Variants in SALL3 observed in about 807,000 individuals in gnomAD.
The protein encoded by SALL3 is spalt like transcription factor 3.
In SALL3, 25 loss-of-function variants were observed where a neutral mutation model predicts 66.2. That is an observed-to-expected ratio of 0.38 (90% CI 0.28 to 0.53). The LOEUF (loss-of-function observed/expected upper bound fraction) is 0.53, where lower values mean the gene tolerates loss of function less well. Among genes scored for constraint, SALL3 ranks in the 20% least tolerant of loss-of-function variants. The probability of loss-of-function intolerance (pLI) is 0.85; values close to 1 mark genes in which losing one functional copy is unlikely to be tolerated. For synonymous variants in SALL3, 1,152 were observed against 899.1 expected, an observed-to-expected ratio of 1.28 and a Z score of -5.03; for missense variants, 2,194 against 1,916.5, an observed-to-expected ratio of 1.14 and a Z score of -2.70.
At position 78,993,880 on chromosome 18, in the gene SALL3, G is replaced by C; in HGVS notation, c.1889G>C (p.Ser630Thr). Residue 630 changes from serine to threonine, a missense_variant, in exon 2 of 3, where the codon AGC becomes ACC. Transcript: ENST00000537592. Reference protein sequence around the residue: ...APTSVDGAPTSLGSPGLPAVS... With the variant: ...APTSVDGAPTTLGSPGLPAVS... ...ACATCGGTGGACGGCGCACCCACGA[G>C]CCTCGGCAGCCCCGGGCTGCCCGCC... 1 of 1,573,262 alleles carries C rather than the reference G, an allele frequency of 6.4e-7. No homozygotes were observed. Among genetic ancestry groups the C allele is most frequent in the East Asian group, 2.4e-5 (1 of 42,104 alleles).
chr18:78,997,009 A>G lies in SALL3; in HGVS notation c.3590A>G (p.Gln1197Arg), dbSNP rs374063198. 3.3e-5 allele frequency: 53 copies of G among 1,614,060 alleles called. No homozygotes were observed. The highest frequency in any genetic ancestry group is 4.2e-5 in the Non-Finnish European group (50 of 1,180,052). The change falls in exon 3 of 3, where the codon CAG (glutamine) becomes CGG (arginine). Residue 1197 changes from glutamine to arginine, a missense_variant. Gln to Arg is a conservative substitution (Grantham distance 43). Transcript: ENST00000537592. ...GCCCTGAAGTTCTCTGAAATGTTCCAGAAGGACCTGGCAGCTCGGGCAATG... is the reference window on the plus strand; with the variant it reads ...GCCCTGAAGTTCTCTGAAATGTTCCGGAAGGACCTGGCAGCTCGGGCAATG... Reference protein sequence around the residue: ...GDALKFSEMFQKDLAARAMNV... With the variant: ...GDALKFSEMFRKDLAARAMNV...
At chr18:78,992,026 G>A (rs767527929) in intron 1 of SALL3, 48 bp from the exon 2 acceptor site, 3 of 1,364,910 alleles carry the variant, frequency 2.2e-6, no homozygotes, top group Admixed American at 3.6e-5. Context: ...ATTTTGAGAC[G>A]GAGGGCGGGC....
chr18:78,984,382 A>G (rs1914169102), intron 1 of SALL3, among the ~76,000 whole-genome samples: 1 of 150,724 alleles, frequency 6.6e-6, no homozygotes, highest in African/African-American at 2.4e-5. Context: ...ACCATCTTTC[A>G]GTGCTGCAAG....
At position 78,993,864 on chromosome 18, in the gene SALL3, G is replaced by A. The variant is rs1198295389; in HGVS notation, c.1873G>A (p.Asp625Asn). 3 of 1,564,268 alleles carry A rather than the reference G, an allele frequency of 1.9e-6. No homozygotes were observed. Among genetic ancestry groups the A allele is most frequent in the Non-Finnish European group, 1.7e-6 (2 of 1,156,696 alleles). Reference protein sequence around the residue: ...AQASAAPTSVDGAPTSLGSPG... With the variant: ...AQASAAPTSVNGAPTSLGSPG... ...GGCTAGCGCTGCACCCACATCGGTG[G>A]ACGGCGCACCCACGAGCCTCGGCAG... The change falls in exon 2 of 3, where the codon GAC (aspartate) becomes AAC (asparagine). Residue 625 changes from aspartate to asparagine, a missense_variant. Coordinates refer to ENST00000537592, the MANE Select transcript of SALL3 (RefSeq NM_171999.4).
chr18:78,993,555 G>C lies in SALL3; in HGVS notation c.1564G>C (p.Val522Leu), dbSNP rs769269229. 6.3e-7 allele frequency: 1 copy of C among 1,590,802 alleles called. No individual in the cohort carries two copies. The highest frequency in any genetic ancestry group is 1.7e-5 in the Admixed American group (1 of 57,790). Residue 522 changes from valine to leucine, a missense_variant, in exon 2 of 3, where the codon GTG becomes CTG. Physicochemically the swap from Val to Leu is conservative, Grantham distance 32 (BLOSUM62 1). Transcript: ENST00000537592. ...WLDSKPVLPT[V>L]PTSVGLQLPP... ...GGACAGCAAGCCCGTGCTGCCCACC[G>C]TGCCCACGTCCGTGGGGCTGCAACT...
At position 78,993,098 on chromosome 18, in the gene SALL3, C is replaced by T. The variant is rs773316503; in HGVS notation, c.1107C>T (p.Ser369=). The change falls in exon 2 of 3, where the codon AGC becomes AGT. Residue 369 remains serine, a synonymous_variant. Transcript: ENST00000537592. ...CGCTTCTACCTCAGACTTCCGCCAG[C>T]GGCGTCATCTTCCCCAACCCGCTGG... ...PSPLLPQTSA[S]GVIFPNPLVS... is the part of the protein sequence containing the mutation. 1.1e-5 allele frequency: 17 copies of T among 1,601,108 alleles called. No individual in the cohort carries two copies. Among genetic ancestry groups the T allele is most frequent in the East Asian group, 4.5e-5 (2 of 44,490 alleles).
At chr18:78,983,644 G>A (rs1316688692) in intron 1 of SALL3, among the ~76,000 whole-genome samples, 1 of 152,104 alleles carries the variant, frequency 6.6e-6, no homozygotes, top group Non-Finnish European at 1.5e-5. Context: ...AAAGAAGCTC[G>A]GCCACCAGTG....
chr18:78,988,884 T>TA (rs1375130020), intron 1 of SALL3, among the ~76,000 whole-genome samples: 12 of 152,232 alleles, frequency 7.9e-5, no homozygotes, highest in Non-Finnish European at 1.0e-4. Context: ...TAATAACCTT[T>TA]AAGGTCTGTT....
In SALL3 at chr18:78,992,406, G is replaced by A; in HGVS notation, c.415G>A (p.Ala139Thr). ...KEAEPMDAEP[A>T]GDTRAPRPPP... ...GGCCGAGCCCATGGACGCGGAACCC[G>A]CGGGGGACACGCGCGCGCCCCGGCC... Residue 139 changes from alanine (A) to threonine (T), a missense_variant, in exon 2 of 3, where the codon GCG becomes ACG. Physicochemically the swap from Ala to Thr is moderately conservative, Grantham distance 58 (BLOSUM62 0). Coordinates refer to ENST00000537592, the MANE Select transcript of SALL3 (RefSeq NM_171999.4). The A allele has an allele frequency of 4.5e-6, 6 of 1,329,402 alleles. No individual in the cohort carries two copies. Among genetic ancestry groups the A allele is most frequent in the Non-Finnish European group, 5.7e-6 (6 of 1,047,620 alleles). 82.4% of individuals were successfully genotyped at this position (1,329,402 alleles called of 1,614,324 possible).
At position 78,994,803 on chromosome 18, in the gene SALL3, C is replaced by A. The variant is rs757713364; in HGVS notation, c.2812C>A (p.Pro938Thr). The stretch of plus-strand genomic sequence containing the variant: ...GGAAATCCCGCTCAAGACCGAGAGG[C>A]CGGACAGCCCAGCCGCCGCCCCGGG... ...PQEIPLKTER[P>T]DSPAAAPGSG... Residue 938 changes from proline to threonine, a missense_variant, in exon 2 of 3, where the codon CCG (proline) becomes ACG (threonine). Transcript: ENST00000537592. 1 of 1,596,346 alleles carries A rather than the reference C, an allele frequency of 6.3e-7. No individual in the cohort carries two copies. The highest frequency in any genetic ancestry group is 8.5e-7 in the Non-Finnish European group (1 of 1,173,722).
At position 78,980,225 on chromosome 18, in the gene SALL3, C is replaced by A; in HGVS notation, c.-50C>A. ...GCCGCCCCGCGCCGTCCCCGCCGGC[C>A]GCCCCGCTGATGCCGCTGCCCCGCG... is the stretch of plus-strand genomic sequence containing the variant. On this transcript the variant is annotated 5_prime_UTR_variant, in exon 1 of 3. Coordinates refer to ENST00000537592, the MANE Select transcript of SALL3 (RefSeq NM_171999.4). The A allele has an allele frequency of 2.1e-6, 2 of 962,850 alleles. No individual in the cohort carries two copies. Among genetic ancestry groups the A allele is most frequent in the Non-Finnish European group, 2.5e-6 (2 of 802,208 alleles). 59.6% of individuals were successfully genotyped at this position (962,850 alleles called of 1,614,324 possible).
chr18:78,993,237 C>T lies in SALL3; in HGVS notation c.1246C>T (p.Pro416Ser), dbSNP rs1279541607. ...CGAGCCCAAAGCCAGCGCCGAGGAC[C>T]CGTTCTTCAAGCACAAATGCCGCTT... The part of the protein sequence containing the change: ...VFEPKASAED[P>S]FFKHKCRFCA... Residue 416 changes from proline (P) to serine (S), a missense_variant, in exon 2 of 3, where the codon CCG becomes TCG. Pro to Ser is a moderately conservative substitution (Grantham distance 74). Coordinates refer to ENST00000537592, the MANE Select transcript of SALL3 (RefSeq NM_171999.4). The T allele has an allele frequency of 1.9e-6, 3 of 1,611,074 alleles. No individual in the cohort carries two copies. Among genetic ancestry groups the T allele is most frequent in the East Asian group, 4.5e-5 (2 of 44,850 alleles).
intron 2 of SALL3, among the ~76,000 whole-genome samples, chr18:78,995,791 G>A (rs566822865): frequency 2.0e-5 from 3 of 152,150 alleles, no homozygotes; most frequent in East Asian, 3.9e-4. Flanking sequence ...TGTGCATGTC[G>A]TGTGTGGTGT....
chr18:78,995,755 A>C (rs975759347), intron 2 of SALL3, among the ~76,000 whole-genome samples: 2 of 152,010 alleles, frequency 1.3e-5, no homozygotes, highest in African/African-American at 4.8e-5. Context: ...TAATGTATCC[A>C]TATATTTATA....
At chr18:78,985,459 G>A (rs375839792) in intron 1 of SALL3, among the ~76,000 whole-genome samples, 3 of 152,180 alleles carry the variant, frequency 2.0e-5, no homozygotes, top group Non-Finnish European at 2.9e-5. Context: ...GACCTTCACC[G>A]CACTGTTTGG....
rs1914757505 is a variant in SALL3 at position 78,997,999 on chromosome 18, C to T, written c.*677C>T. The T allele has an allele frequency of 6.9e-6, 1 of 145,766 alleles. No individual in the cohort carries two copies. Among genetic ancestry groups the T allele is most frequent in the Non-Finnish European group, 1.5e-5 (1 of 67,034 alleles). The allele number at this position is 145,766 out of a possible 1,614,324, so 9.0% of individuals were successfully genotyped here. On this transcript the variant is annotated 3_prime_UTR_variant, in exon 3 of 3. Transcript: ENST00000537592. Reference sequence around the variant, plus strand: ...ATAGCATGCTTTTCGTGTGCAAGTACCTGTCAGTAATAAGCCTTTTTTTTT... The same window carrying T: ...ATAGCATGCTTTTCGTGTGCAAGTATCTGTCAGTAATAAGCCTTTTTTTTT...
chr18:78,985,345 G>A (rs1017586016), intron 1 of SALL3, among the ~76,000 whole-genome samples: 1 of 152,188 alleles, frequency 6.6e-6, no homozygotes, highest in Non-Finnish European at 1.5e-5. Flanking sequence ...AAGAGAAAAC[G>A]GCTTTCTTTT....
In SALL3 at chr18:78,994,721, C is replaced by T. The variant is rs1313199411; in HGVS notation, c.2730C>T (p.Ser910=). 5.0e-6 allele frequency: 8 copies of T among 1,603,890 alleles called. No individual in the cohort carries two copies. The highest frequency in any genetic ancestry group is 5.1e-6 in the Non-Finnish European group (6 of 1,179,298). The change falls in exon 2 of 3, where the codon AGC becomes AGT. Residue 910 remains serine (S), a synonymous_variant. Coordinates refer to ENST00000537592, the MANE Select transcript of SALL3 (RefSeq NM_171999.4). ...SSSQALSPAP[S]NGESFRSKSP... ...CGCAGGCCCTGTCGCCGGCCCCCAG[C>T]AATGGTGAGAGCTTCCGCTCCAAGT...
intron 1 of SALL3, among the ~76,000 whole-genome samples, chr18:78,989,582 TAAAGAA>T (rs948562944): frequency 6.6e-5 from 10 of 152,332 alleles, no homozygotes; most frequent in Admixed American, 3.9e-4. Context: ...ACATTCCCTA[TAAAGAA>T]AAAGTATTCT....
Sources: allele counts gnomAD v4.1 joint callset (sites outside exome capture counted in the v4.1 genomes callset), GRCh38; gene constraint gnomAD v4.1.1; transcripts MANE v1.5; gene names NCBI Gene and HGNC (gene_info 2026-07-23, HGNC 2026-07-21).